Variants in XRCC5 observed in about 807,000 individuals in gnomAD.
The protein encoded by XRCC5 is DNA repair protein Ku80.
XRCC5 carries 12 observed loss-of-function variants against 95.7 expected under a neutral mutation model. That is an observed-to-expected ratio of 0.13 (90% CI 0.08 to 0.20). The LOEUF is 0.20. Among genes scored for constraint, XRCC5 ranks in the 10% least tolerant of loss-of-function variants. The pLI is 1.00. For missense variants in XRCC5, 595 were observed against 873.9 expected (o/e 0.68, Z 4.02); for synonymous variants, 281 against 290.3 (o/e 0.97, Z 0.33).
intron 16 of XRCC5, among the ~76,000 whole-genome samples, chr2:216,185,658 AT>A (rs1401421244): frequency 6.7e-6 from 1 of 150,310 alleles, no homozygotes; most frequent in Non-Finnish European, 1.5e-5. Flanking sequence ...GGCTACATAA[AT>A]TTGTTTTTTT....
intron 14 of XRCC5, among the ~76,000 whole-genome samples, chr2:216,155,703 A>G (rs1051574238): frequency 5.9e-5 from 9 of 152,242 alleles, no homozygotes; most frequent in African/African-American, 2.2e-4. Context: ...AAGAAAAAGA[A>G]TAAGATCTAT....
rs1696985547 is a variant in XRCC5, at chr2:216,130,948, G to A, written c.1011G>A (p.Gly337=). The change falls in exon 9 of 21, where the codon GGG becomes GGA. Residue 337 remains glycine, a synonymous_variant. Transcript: ENST00000392132. ...DEEQMKYKSE[G]KCFSVLGFCK... is the part of the protein sequence containing the mutation. ...AACAAATGAAATATAAATCGGAGGG[G>A]AAGTGCTTCTCTGTTTTGGGATTTT... is the stretch of plus-strand genomic sequence containing the variant. 6.2e-7 allele frequency: 1 copy of A among 1,613,640 alleles called. No homozygotes were observed. Among genetic ancestry groups the A allele is most frequent in the African/African-American group, 1.3e-5 (1 of 75,002 alleles).
chr2:216,148,108 C>T lies in XRCC5; in HGVS notation c.1502C>T (p.Pro501Leu). The change falls in exon 14 of 21, where the codon CCC (proline) becomes CTC (leucine). Residue 501 changes from proline to leucine, a missense_variant. This residue lies in a region of XRCC5 where 309 missense variants were observed against 382.9 expected (regional missense o/e 0.81). Coordinates refer to ENST00000392132, the MANE Select transcript of XRCC5 (RefSeq NM_021141.4). ...TGTCTGCTGCACAGAGCTTTACATC[C>T]CCGGGAGCCTCTACCCCCAATTCAG... is the stretch of plus-strand genomic sequence containing the variant. ...FQCLLHRALH[P>L]REPLPPIQQH... The T allele has an allele frequency of 6.2e-7, 1 of 1,613,688 alleles. No homozygotes were observed. Among genetic ancestry groups the T allele is most frequent in the East Asian group, 2.2e-5 (1 of 44,860 alleles).
chr2:216,138,255 G>C, intron 12 of XRCC5, 76 bp downstream of exon 12: 2 of 1,337,876 alleles, frequency 1.5e-6, no homozygotes, highest in Non-Finnish European at 2.1e-6. Flanking sequence ...GCTAGTTGTT[G>C]GTTGGGGCTA....
At chr2:216,118,633 A>C (rs1696745295) in intron 4 of XRCC5, among the ~76,000 whole-genome samples, 1 of 152,222 alleles carries the variant, frequency 6.6e-6, no homozygotes, top group Non-Finnish European at 1.5e-5. Flanking sequence ...ATCTCTGTAC[A>C]TCCTCTGCCA....
intron 16 of XRCC5, among the ~76,000 whole-genome samples, chr2:216,177,402 C>CTGTCAA (rs1387062685): frequency 1.3e-5 from 2 of 152,162 alleles, no homozygotes; most frequent in Non-Finnish European, 2.9e-5. Flanking sequence ...AAAGAAAACA[C>CTGTCAA]TGTCAATTCA....
At chr2:216,137,517 G>A (rs909756212) in intron 11 of XRCC5, among the ~76,000 whole-genome samples, 11 of 152,058 alleles carry the variant, frequency 7.2e-5, no homozygotes, top group African/African-American at 2.4e-4. Context: ...TATGAAAATC[G>A]TTTTAGATTA....
chr2:216,196,975 T>C (rs1343693484), intron 19 of XRCC5, among the ~76,000 whole-genome samples: 1 of 152,196 alleles, frequency 6.6e-6, no homozygotes, highest in Non-Finnish European at 1.5e-5. Context: ...GAAAATTTAT[T>C]ATCCAGGTGA....
At chr2:216,113,222 T>C (rs1696624604) in intron 2 of XRCC5, 93 bp downstream of exon 2, 1 of 1,033,628 alleles carries the variant, frequency 9.7e-7, no homozygotes. Flanking sequence ...CCTTATAGTG[T>C]CCAGCCCCTC....
chr2:216,200,128 C>T (rs1020009315), intron 19 of XRCC5, among the ~76,000 whole-genome samples: 12 of 152,112 alleles, frequency 7.9e-5, no homozygotes, highest in Non-Finnish European at 2.9e-5. Flanking sequence ...TCCAGACCCC[C>T]AGATGCCCGC....
At chr2:216,201,797 C>G (rs2106054751) in intron 19 of XRCC5, among the ~76,000 whole-genome samples, 1 of 152,286 alleles carries the variant, frequency 6.6e-6, no homozygotes, top group Non-Finnish European at 1.5e-5. Flanking sequence ...TATCTTGCTT[C>G]CCTGTCACTG....
intron 12 of XRCC5, among the ~76,000 whole-genome samples, chr2:216,139,768 A>C (rs1328299537): frequency 6.6e-6 from 1 of 152,206 alleles, no homozygotes; most frequent in East Asian, 1.9e-4. Context: ...TCAGCCTCCC[A>C]AACTGTTGGA....
intron 14 of XRCC5, among the ~76,000 whole-genome samples, chr2:216,153,651 A>G (rs928970848): frequency 6.6e-5 from 10 of 152,158 alleles, no homozygotes; most frequent in Non-Finnish European, 2.9e-5. Context: ...AGCTCAGGAG[A>G]CTCAGGATTA....
rs143232624 is a variant in XRCC5 at position 216,187,861 on chromosome 2, T to TCTCTCTC, written c.1835-2363_1835-2362insTCTCTCC. 7.4e-4 allele frequency among the ~76,000 whole-genome samples: 86 copies of TCTCTCTC among 116,258 alleles called. 6 individuals are homozygous for TCTCTCTC. The highest frequency in any genetic ancestry group is 3.2e-3 in the African/African-American group (76 of 23,888). The allele number at this position is 116,258 out of a possible 152,430, so 76.3% of individuals were successfully genotyped here. On this transcript the variant is annotated intron_variant, in intron 16 of 20. Coordinates refer to ENST00000392132, the MANE Select transcript of XRCC5 (RefSeq NM_021141.4). ...CTCTCTCTCTCTCTCTCTCTCTCTCTCCCCGTCTCCCTGTCTCTCCCTCTC... is the reference window on the plus strand; with the variant it reads ...CTCTCTCTCTCTCTCTCTCTCTCTCTCTCTCTCCCCCGTCTCCCTGTCTCTCCCTCTC...
At chr2:216,197,613 G>A (rs1204323418) in intron 19 of XRCC5, among the ~76,000 whole-genome samples, 1 of 152,088 alleles carries the variant, frequency 6.6e-6, no homozygotes, top group African/African-American at 2.4e-5. Context: ...CATAGTCAAG[G>A]CACAGAGAGT....
At chr2:216,117,716 T>C (rs1696725627) in intron 3 of XRCC5, 30 bp from the exon 4 acceptor site, 4 of 1,611,574 alleles carry the variant, frequency 2.5e-6, no homozygotes, top group South Asian at 2.2e-5. Flanking sequence ...AGAGACTGTT[T>C]GGTGATATCC....
intron 16 of XRCC5, among the ~76,000 whole-genome samples, chr2:216,186,809 A>C (rs1209355307): frequency 6.6e-6 from 1 of 152,206 alleles, no homozygotes; most frequent in African/African-American, 2.4e-5. Context: ...AGAGAAAAGC[A>C]CCCTGATGAT....
At position 216,190,342 on chromosome 2, in the gene XRCC5, TA is replaced by T; in HGVS notation, c.1944+9del. The T allele has an allele frequency of 6.2e-7, 1 of 1,607,624 alleles. No homozygotes were observed. The highest frequency in any genetic ancestry group is 1.3e-5 in the African/African-American group (1 of 74,884). ...CGGGAAGAAGCCATTAAGGTAATGCTATCCTAGCATCTCTTTTCTTCCTAAA... is the reference window on the plus strand; with the variant it reads ...CGGGAAGAAGCCATTAAGGTAATGCTTCCTAGCATCTCTTTTCTTCCTAAA... On this transcript the variant is annotated intron_variant, in intron 17 of 20. Transcript: ENST00000392132.
At chr2:216,190,521 G>A (rs189116510) in intron 17 of XRCC5, among the ~76,000 whole-genome samples, 187 bp downstream of exon 17, 20 of 152,140 alleles carry the variant, frequency 1.3e-4, no homozygotes, top group African/African-American at 4.1e-4. Context: ...TTTCTGAGAT[G>A]GGATAAAGAT....
Sources: allele counts gnomAD v4.1 joint callset (sites outside exome capture counted in the v4.1 genomes callset), GRCh38; gene constraint gnomAD v4.1.1; regional missense constraint gnomAD v4.1.1; transcripts MANE v1.5; gene names NCBI Gene and HGNC (gene_info 2026-07-23, HGNC 2026-07-21).